Variants in UVRAG observed in about 807,000 individuals in gnomAD.
The protein encoded by UVRAG is UV radiation resistance-associated gene protein.
A neutral mutation model predicts 78.0 loss-of-function variants in UVRAG; 19 were observed. The observed-to-expected ratio is 0.24, with a 90% CI of 0.17 to 0.36. The LOEUF is 0.36. Ranked by LOEUF, UVRAG falls within the 10% of genes least tolerant of loss-of-function variation. UVRAG has a pLI of 1.00. For missense variants in UVRAG, 740 were observed against 853.8 expected (o/e 0.87, Z 1.66); for synonymous variants, 323 against 324.6 (o/e 1.00, Z 0.05).
chr11:76,042,995 TTTC>T (rs1408022750), intron 12 of UVRAG, among the ~76,000 whole-genome samples: 4 of 152,192 alleles, frequency 2.6e-5, no homozygotes, highest in Non-Finnish European at 4.4e-5. Context: ...GCCATTTCTT[TTTC>T]TTCTTTGAAT....
intron 6 of UVRAG, among the ~76,000 whole-genome samples, chr11:75,921,961 G>T (rs1358878975): frequency 6.6e-6 from 1 of 151,780 alleles, no homozygotes; most frequent in Non-Finnish European, 1.5e-5. Context: ...TTTTTGTGTG[G>T]TCTAAAATCA....
At chr11:75,936,282 T>C (rs1591037993) in intron 6 of UVRAG, among the ~76,000 whole-genome samples, 1 of 152,234 alleles carries the variant, frequency 6.6e-6, no homozygotes, top group Admixed American at 6.5e-5. Flanking sequence ...TGTGGGGAGA[T>C]ACATTTTTAG....
chr11:75,963,540 A>G (rs2135211278), intron 7 of UVRAG, among the ~76,000 whole-genome samples: 1 of 152,344 alleles, frequency 6.6e-6, no homozygotes, highest in Admixed American at 6.5e-5. Context: ...GCCCATGGCC[A>G]TTGTATTCCA....
At chr11:76,058,460 G>A (rs1951021859) in intron 12 of UVRAG, among the ~76,000 whole-genome samples, 1 of 149,758 alleles carries the variant, frequency 6.7e-6, no homozygotes, top group African/African-American at 2.5e-5. Flanking sequence ...TTGTGCCCGG[G>A]AGGTCAGAGG....
intron 12 of UVRAG, among the ~76,000 whole-genome samples, chr11:76,061,150 A>G (rs947075001): frequency 2.6e-5 from 4 of 152,174 alleles, no homozygotes; most frequent in Non-Finnish European, 4.4e-5. Context: ...TGTCTAGCTC[A>G]GGGTTTGTGA....
At chr11:75,834,169 C>T (rs542353012) in intron 1 of UVRAG, among the ~76,000 whole-genome samples, 17 of 152,122 alleles carry the variant, frequency 1.1e-4, no homozygotes, top group African/African-American at 3.1e-4. Flanking sequence ...TACATTTAGC[C>T]GTTGTGTCTC....
At chr11:76,048,736 T>TA (rs1257030864) in intron 12 of UVRAG, among the ~76,000 whole-genome samples, 2 of 152,362 alleles carry the variant, frequency 1.3e-5, no homozygotes, top group East Asian at 1.9e-4. Flanking sequence ...AAACTGACTT[T>TA]AGCTAACTTA....
At chr11:75,909,831 C>T (rs950849968) in intron 5 of UVRAG, among the ~76,000 whole-genome samples, 1 of 152,188 alleles carries the variant, frequency 6.6e-6, no homozygotes, top group Middle Eastern at 3.4e-3. Context: ...TGTTTCTTTT[C>T]GTGAGGGATA....
At chr11:75,990,960 C>A (rs1316550136) in intron 8 of UVRAG, among the ~76,000 whole-genome samples, 1 of 152,130 alleles carries the variant, frequency 6.6e-6, no homozygotes, top group Non-Finnish European at 1.5e-5. Flanking sequence ...TCATGGGTAT[C>A]ATTGCTAAAG....
At chr11:76,084,081 C>T (rs1591217706) in intron 13 of UVRAG, among the ~76,000 whole-genome samples, 1 of 152,188 alleles carries the variant, frequency 6.6e-6, no homozygotes, top group Admixed American at 6.5e-5. Context: ...ATCTCTGAGG[C>T]ACATTTATGT....
chr11:75,863,881 A>G (rs989003801), intron 3 of UVRAG, among the ~76,000 whole-genome samples: 1 of 152,172 alleles, frequency 6.6e-6, no homozygotes, highest in Non-Finnish European at 1.5e-5. Context: ...CACAAAGTAG[A>G]TCAAATCTCC....
At chr11:76,108,505 G>T in intron 13 of UVRAG, among the ~76,000 whole-genome samples, 1 of 152,282 alleles carries the variant, frequency 6.6e-6, no homozygotes, top group Admixed American at 6.5e-5. Context: ...AATTCCAACT[G>T]CAAGAGCTGT....
chr11:75,932,226 G>A (rs1034024452), intron 6 of UVRAG, among the ~76,000 whole-genome samples: 1 of 152,018 alleles, frequency 6.6e-6, no homozygotes, highest in African/African-American at 2.4e-5. Context: ...AAATTGGAAA[G>A]GAAGAACTCA....
intron 12 of UVRAG, among the ~76,000 whole-genome samples, chr11:76,060,125 G>C (rs1336901104): frequency 2.0e-5 from 3 of 152,010 alleles, no homozygotes; most frequent in African/African-American, 7.3e-5. Context: ...TTGAAAATCA[G>C]TTTCTTTTCA....
chr11:76,136,534 G>T (rs1952599626), intron 14 of UVRAG, among the ~76,000 whole-genome samples: 1 of 149,142 alleles, frequency 6.7e-6, no homozygotes. Context: ...TTTGAGACAG[G>T]GTCTTGCTCT....
chr11:75,847,219 C>T (rs908262072), intron 1 of UVRAG, among the ~76,000 whole-genome samples: 3 of 151,676 alleles, frequency 2.0e-5, no homozygotes, highest in Admixed American at 6.6e-5. Context: ...CGTCCAACTC[C>T]GGGGTTCAAG....
chr11:75,870,467 A>G (rs980787326), intron 3 of UVRAG, among the ~76,000 whole-genome samples: 4 of 152,006 alleles, frequency 2.6e-5, no homozygotes, highest in Non-Finnish European at 5.9e-5. Flanking sequence ...ACCAAGTGTC[A>G]TTTTTTCACT....
chr11:76,143,827 A>G lies in UVRAG; in HGVS notation c.*2414A>G, dbSNP rs1462271100. 3.9e-5 allele frequency among the ~76,000 whole-genome samples: 6 copies of G among 152,236 alleles called. No homozygotes were observed. The highest frequency in any genetic ancestry group is 7.3e-5 in the Non-Finnish European group (5 of 68,052). On this transcript the variant is annotated 3_prime_UTR_variant, in exon 15 of 15. Transcript: ENST00000356136. ...TACTAACCTTTTAGTTTTGTAAATC[A>G]CTAAGAAAATTGTTTGCTTGGAAGA...
rs141712782 is a variant in UVRAG, at chr11:76,088,760, C to T, written c.1305+22972C>T. On this transcript the variant is annotated intron_variant, in intron 13 of 14. Transcript: ENST00000356136. The stretch of plus-strand genomic sequence containing the variant: ...ATTCTCCAGGATCCAACCAGGCCAA[C>T]TTCTCTTCTGTGAAGCCTTTCTTTG... 4.4e-3 allele frequency among the ~76,000 whole-genome samples: 677 copies of T among 152,296 alleles called. 5 individuals are homozygous for T. Among genetic ancestry groups the T allele is most frequent in the African/African-American group, 0.016 (654 of 41,558 alleles).
Sources: allele counts gnomAD v4.1 joint callset (sites outside exome capture counted in the v4.1 genomes callset), GRCh38; gene constraint gnomAD v4.1.1; transcripts MANE v1.5; gene names NCBI Gene and HGNC (gene_info 2026-07-23, HGNC 2026-07-21).